Variants in PLXNA3 observed in about 807,000 individuals in gnomAD.
The protein encoded by PLXNA3 is plexin-A3.
A neutral mutation model predicts 118.8 loss-of-function variants in PLXNA3; 52 were observed. The observed-to-expected ratio is 0.44, with a 90% confidence interval of 0.35 to 0.55. The LOEUF is 0.55. Ranked by LOEUF, PLXNA3 falls within the 20% of genes least tolerant of loss-of-function variation. The pLI is 0.01. For missense variants in PLXNA3, 1,660 were observed against 1,730.8 expected (o/e 0.96, Z 0.73); for synonymous variants, 925 against 762.4 (o/e 1.21, Z -3.51).
chrX:154,464,946 C>CT (rs2069052789), intron 10 of PLXNA3, 72 bp from the exon 11 acceptor site: 2 of 1,090,658 alleles, frequency 1.8e-6, no homozygotes, highest in Admixed American at 5.3e-5. Flanking sequence ...TTCTCGGTTT[C>CT]TTTGAGCCTT....
In PLXNA3 at chrX:154,460,269, C is replaced by G. The variant is rs782733882; in HGVS notation, c.86C>G (p.Thr29Arg). Residue 29 changes from threonine to arginine, a missense_variant, in exon 2 of 33, where the codon ACA becomes AGA. Thr to Arg is a moderately conservative substitution (Grantham distance 71, BLOSUM62 -1). Transcript: ENST00000369682. ...AGGCCCTTCCGTGCCTTCGTGGTGA[C>G]AGACACCACGCTTACCCACCTGGCT... is the stretch of plus-strand genomic sequence containing the variant. Reference protein sequence around the residue: ...GNRPFRAFVVTDTTLTHLAVH... With the variant: ...GNRPFRAFVVRDTTLTHLAVH... 2 of 1,209,486 alleles carry G rather than the reference C, an allele frequency of 1.7e-6. No individual in the cohort carries two copies. The highest frequency in any genetic ancestry group is 2.2e-6 in the Non-Finnish European group (2 of 893,892).
In PLXNA3 at chrX:154,470,514, C is replaced by T; in HGVS notation, c.5059C>T (p.Pro1687Ser). 8.3e-7 allele frequency: 1 copy of T among 1,210,961 alleles called. No individual in the cohort carries two copies. The highest frequency in any genetic ancestry group is 1.1e-6 in the Non-Finnish European group (1 of 894,721). ...FSTAHRGSAL[P>S]LAIKYMFDFL... is the part of the protein sequence containing the mutation. The stretch of plus-strand genomic sequence containing the variant: ...CACAGCCCACCGGGGCTCGGCCCTG[C>T]CCCTGGCCATCAAGTACATGTTCGA... Residue 1687 changes from proline to serine, a missense_variant, in exon 30 of 33, where the codon CCC (proline) becomes TCC (serine). Pro to Ser is a moderately conservative substitution (Grantham distance 74). Coordinates refer to ENST00000369682, the MANE Select transcript of PLXNA3 (RefSeq NM_017514.5).
In PLXNA3 at chrX:154,460,627, C is replaced by T. The variant is rs188830708; in HGVS notation, c.444C>T (p.Pro148=). Residue 148 remains proline (P), a synonymous_variant, in exon 2 of 33, where the codon CCC becomes CCT. Transcript: ENST00000369682. ...ACTACCTGTCGGGGGCCCAGGAGCC[C>T]GACTCCATGGCTGGTGTCATTGTGG... The part of the protein sequence containing the change: ...KEHYLSGAQE[P]DSMAGVIVEQ... 205 of 1,186,782 alleles carry T rather than the reference C, an allele frequency of 1.7e-4. No individual in the cohort carries two copies. The highest frequency in any genetic ancestry group is 1.1e-3 in the East Asian group (37 of 33,506).
chrX:154,466,801 CCTGGGGGA>C lies in PLXNA3; in HGVS notation c.3107+15_3107+22del. 1 of 1,164,124 alleles carries C rather than the reference CCTGGGGGA, an allele frequency of 8.6e-7. No homozygotes were observed. The highest frequency in any genetic ancestry group is 3.1e-5 in the East Asian group (1 of 32,308). On this transcript the variant is annotated intron_variant, in intron 17 of 32. Coordinates refer to ENST00000369682, the MANE Select transcript of PLXNA3 (RefSeq NM_017514.5). ...CACCTGGAGCATCATCAAGTAAGAC[CCTGGGGGA>C]CTGGGGAGCCTGGCAGTGTCCAGAG...
At position 154,461,498 on chromosome X, in the gene PLXNA3, C is replaced by A; in HGVS notation, c.994C>A (p.Pro332Thr). 1 of 1,211,901 alleles carries A rather than the reference C, an allele frequency of 8.3e-7. No individual in the cohort carries two copies. Among genetic ancestry groups the A allele is most frequent in the Non-Finnish European group, 1.1e-6 (1 of 895,484 alleles). The change falls in exon 3 of 33, where the codon CCC (proline) becomes ACC (threonine). Residue 332 changes from proline (P) to threonine (T), a missense_variant. Pro to Thr is a conservative substitution (Grantham distance 38, BLOSUM62 -1). Around this residue, in one of 2 missense-constraint regions of PLXNA3, gnomAD observed 791 missense variants for 652.1 expected, o/e 1.21. Coordinates refer to ENST00000369682, the MANE Select transcript of PLXNA3 (RefSeq NM_017514.5). ...GGGCCAGAAGAACCGGGCCAGCCCACCCCGGCAGACCATCCTCTGCCTCTT... is the reference window on the plus strand; with the variant it reads ...GGGCCAGAAGAACCGGGCCAGCCCAACCCGGCAGACCATCCTCTGCCTCTT... Reference protein sequence around the residue: ...SQGQKNRASPPRQTILCLFTL... With the variant: ...SQGQKNRASPTRQTILCLFTL...
chrX:154,460,881 G>GACACT, intron 2 of PLXNA3, 104 bp downstream of exon 2: 1 of 683,429 alleles, frequency 1.5e-6, no homozygotes, highest in Non-Finnish European at 2.1e-6. Flanking sequence ...TCAGTGTCTG[G>GACACT]GATGCAGACA....
Position 154,468,827 on chromosome X carries a change from G to C in PLXNA3, c.4292G>C (p.Cys1431Ser). 8.3e-7 allele frequency: 1 copy of C among 1,211,675 alleles called. No individual in the cohort carries two copies. The highest frequency in any genetic ancestry group is 1.1e-6 in the Non-Finnish European group (1 of 895,555). Reference protein sequence around the residue: ...TFLLHKFLKECAGEPLFLLYC... With the variant: ...TFLLHKFLKESAGEPLFLLYC... ...TGCACCTGTCCCTGGCTGCAGGAGT[G>C]TGCTGGGGAGCCTCTCTTCCTGCTT... The change falls in exon 25 of 33, where the codon TGT becomes TCT. Residue 1431 changes from cysteine (C) to serine (S), a missense_variant. Around this residue, in one of 2 missense-constraint regions of PLXNA3, gnomAD observed 869 missense variants for 1,078.7 expected, o/e 0.81. Coordinates refer to ENST00000369682, the MANE Select transcript of PLXNA3 (RefSeq NM_017514.5).
At chrX:154,464,113 T>G (rs1238714663) in intron 7 of PLXNA3, 39 bp downstream of exon 7, 2 of 1,208,698 alleles carry the variant, frequency 1.7e-6, no homozygotes, top group African/African-American at 3.5e-5. Flanking sequence ...TGTGCACATG[T>G]GTGCTGGGAG....
intron 23 of PLXNA3, 28 bp downstream of exon 23, chrX:154,468,587 A>T: frequency 8.3e-7 from 1 of 1,206,601 alleles, no homozygotes; most frequent in Non-Finnish European, 1.1e-6. Flanking sequence ...TCCAGGCCAC[A>T]CCTTTGTCCT....
chrX:154,472,833 C>T lies in PLXNA3; in HGVS notation c.*148C>T, dbSNP rs1166461184. ...CCCTGGCCACGATGCCCCCGGCACA[C>T]CCAGGCCCCCTTCATTAGTGCCTTG... On this transcript the variant is annotated 3_prime_UTR_variant, in exon 33 of 33. Coordinates refer to ENST00000369682, the MANE Select transcript of PLXNA3 (RefSeq NM_017514.5). The T allele has an allele frequency of 6.7e-6, 3 of 448,653 alleles. No homozygotes were observed. The highest frequency in any genetic ancestry group is 4.9e-5 in the African/African-American group (2 of 40,736). The allele number at this position is 448,653 out of a possible 1,213,427, so 37.0% of individuals were successfully genotyped here.
In PLXNA3 at chrX:154,467,250, G is replaced by A. The variant is rs1376071291; in HGVS notation, c.3220G>A (p.Asp1074Asn). 8.3e-7 allele frequency: 1 copy of A among 1,208,772 alleles called. No homozygotes were observed. The highest frequency in any genetic ancestry group is 1.7e-5 in the African/African-American group (1 of 57,486). The change falls in exon 19 of 33, where the codon GAC becomes AAC. Residue 1074 changes from aspartate to asparagine, a missense_variant. Asp to Asn is a conservative substitution (Grantham distance 23). Around this residue, in one of 2 missense-constraint regions of PLXNA3, gnomAD observed 869 missense variants for 1,078.7 expected, o/e 0.81. Transcript: ENST00000369682. Reference protein sequence around the residue: ...ETTNTCQVINDTAMLCKAPGI... With the variant: ...ETTNTCQVINNTAMLCKAPGI... ...CCCACAGACATGCCAAGTGATCAAC[G>A]ACACTGCCATGCTGTGTAAGGCCCC...
chrX:154,469,880 G>C lies in PLXNA3; in HGVS notation c.4795+96G>C, dbSNP rs187461496. On this transcript the variant is annotated intron_variant, in intron 28 of 32. Coordinates refer to ENST00000369682, the MANE Select transcript of PLXNA3 (RefSeq NM_017514.5). Reference sequence around the variant, plus strand: ...TAGAGTGTAGACGGAGGGTCGGCCAGCGAGGGCAGATGGGTCCCCACATGC... The same window carrying C: ...TAGAGTGTAGACGGAGGGTCGGCCACCGAGGGCAGATGGGTCCCCACATGC... 5,583 of 1,121,008 alleles carry C rather than the reference G, an allele frequency of 5.0e-3. 17 individuals carry two copies. Among genetic ancestry groups the C allele is most frequent in the Non-Finnish European group, 5.6e-3 (4,554 of 817,283 alleles). The allele number at this position is 1,121,008 out of a possible 1,213,427, so 92.4% of individuals were successfully genotyped here.
At position 154,460,329 on chromosome X, in the gene PLXNA3, C is replaced by T; in HGVS notation, c.146C>T (p.Ala49Val). ...GTGACTGGGGAGGTGTTCGTGGGCG[C>T]AGTGAACCGAGTCTTTAAGCTGGCC... is the stretch of plus-strand genomic sequence containing the variant. ...HRVTGEVFVG[A>V]VNRVFKLAPN... The change falls in exon 2 of 33, where the codon GCA (alanine) becomes GTA (valine). Residue 49 changes from alanine (A) to valine (V), a missense_variant. Physicochemically the swap from Ala to Val is moderately conservative, Grantham distance 64 (BLOSUM62 0). Coordinates refer to ENST00000369682, the MANE Select transcript of PLXNA3 (RefSeq NM_017514.5). 8.3e-7 allele frequency: 1 copy of T among 1,210,771 alleles called. No homozygotes were observed. Among genetic ancestry groups the T allele is most frequent in the Non-Finnish European group, 1.1e-6 (1 of 895,037 alleles).
rs1557203071 is a variant in PLXNA3, at chrX:154,460,082, TGG to T, written c.-27-74_-27-73del. On this transcript the variant is annotated intron_variant, in intron 1 of 32. Coordinates refer to ENST00000369682, the MANE Select transcript of PLXNA3 (RefSeq NM_017514.5). Reference sequence around the variant, plus strand: ...CTGTCACGGTGGCCATCTGGGGCTTTGGCGGGGTGGTGGGTGAATGGCCCAGC... The same window carrying T: ...CTGTCACGGTGGCCATCTGGGGCTTTCGGGGTGGTGGGTGAATGGCCCAGC... 7.2e-6 allele frequency: 4 copies of T among 557,941 alleles called. No homozygotes were observed. In the Admixed American group the frequency reaches 1.2e-4, roughly 17 times the overall value. The allele number at this position is 557,941 out of a possible 1,213,427, so 46.0% of individuals were successfully genotyped here. A position where few individuals can be genotyped will look rare whatever the true frequency, so the allele number is the denominator to read the frequency against.
chrX:154,460,229 G>A lies in PLXNA3; in HGVS notation c.46G>A (p.Gly16Arg). ...LLLLLFLAVG[G>R]ALGNRPFRAF... Reference sequence around the variant, plus strand: ...CCTGCTGCTCTTCCTTGCCGTGGGGGGGGCCCTGGGCAACAGGCCCTTCCG... The same window carrying A: ...CCTGCTGCTCTTCCTTGCCGTGGGGAGGGCCCTGGGCAACAGGCCCTTCCG... Residue 16 changes from glycine (G) to arginine (R), a missense_variant, in exon 2 of 33, where the codon GGG becomes AGG. Coordinates refer to ENST00000369682, the MANE Select transcript of PLXNA3 (RefSeq NM_017514.5). 1 of 1,209,568 alleles carries A rather than the reference G, an allele frequency of 8.3e-7. No homozygotes were observed. Among genetic ancestry groups the A allele is most frequent in the Non-Finnish European group, 1.1e-6 (1 of 894,340 alleles).
Position 154,460,570 on chromosome X carries a change from C to T in PLXNA3, c.387C>T (p.Phe129=), listed in dbSNP as rs2068930885. ...ICQFLRLDDL[F]KLGEPHHRKE... Reference sequence around the variant, plus strand: ...AGTTCCTGCGTCTGGACGACCTCTTCAAGCTGGGTGAGCCGCACCACCGCA... The same window carrying T: ...AGTTCCTGCGTCTGGACGACCTCTTTAAGCTGGGTGAGCCGCACCACCGCA... Residue 129 remains phenylalanine, a synonymous_variant, in exon 2 of 33, where the codon TTC becomes TTT. Transcript: ENST00000369682. 1 of 1,208,452 alleles carries T rather than the reference C, an allele frequency of 8.3e-7. No individual in the cohort carries two copies. Among genetic ancestry groups the T allele is most frequent in the South Asian group, 1.8e-5 (1 of 56,511 alleles).
chrX:154,461,066 C>T (rs372239746), intron 2 of PLXNA3, 33 bp from the exon 3 acceptor site: 87 of 1,147,986 alleles, frequency 7.6e-5, no homozygotes, highest in South Asian at 2.8e-4. Context: ...CACAGGGCCT[C>T]ACCGGATGCT....
At chrX:154,470,268 G>A (rs184736211) in intron 29 of PLXNA3, 101 bp downstream of exon 29, 8 of 971,326 alleles carry the variant, frequency 8.2e-6, no homozygotes, top group African/African-American at 1.9e-5. Context: ...GCCTTTCTTC[G>A]GGTCTTTGCT....
Position 154,461,561 on chromosome X carries a change from A to G in PLXNA3, c.1057A>G (p.Ile353Val), listed in dbSNP as rs368827077. 6.6e-6 allele frequency: 8 copies of G among 1,207,820 alleles called. No homozygotes were observed. The African/African-American group carries it at 1.2e-4, about 18-fold the overall frequency. Residue 353 changes from isoleucine to valine, a missense_variant, in exon 3 of 33, where the codon ATC becomes GTC. Ile to Val is a conservative substitution (Grantham distance 29). This residue lies in a region of PLXNA3 where 791 missense variants were observed against 652.1 expected (regional missense o/e 1.21). Coordinates refer to ENST00000369682, the MANE Select transcript of PLXNA3 (RefSeq NM_017514.5). ...CATCAATGCCCACATCCGGCGCCGCATCCAGTCCTGCTATCGTGGGGAGGG... is the reference window on the plus strand; with the variant it reads ...CATCAATGCCCACATCCGGCGCCGCGTCCAGTCCTGCTATCGTGGGGAGGG... ...SNINAHIRRRIQSCYRGEGTL... is the reference protein window; with the variant it reads ...SNINAHIRRRVQSCYRGEGTL...
Sources: gnomAD v4.1 joint callset for allele counts on GRCh38, gnomAD v4.1.1 for gene constraint, gnomAD v4.1.1 regional missense constraint, MANE v1.5 for transcripts, NCBI Gene and HGNC (gene_info 2026-07-23, HGNC 2026-07-21) for gene names.